Variants in ZBTB38 observed in about 807,000 individuals in gnomAD.
ZBTB38 encodes the protein zinc finger and BTB domain-containing protein 38.
In ZBTB38, 20 loss-of-function variants were observed where a neutral mutation model predicts 76.8. The observed-to-expected ratio is 0.26, with a 90% CI of 0.18 to 0.38. The LOEUF (loss-of-function observed/expected upper bound fraction) is 0.38. ZBTB38 is among the 10% of genes least tolerant of loss of function. The probability of loss-of-function intolerance (pLI) is 1.00; values close to 1 mark genes in which losing one functional copy is unlikely to be tolerated. For missense variants in ZBTB38, 1,082 were observed against 1,482.3 expected, an observed-to-expected ratio of 0.73 and a Z score of 4.43; for synonymous variants, 504 against 544.2, an observed-to-expected ratio of 0.93 and a Z score of 1.03.
At chr3:141,324,470 T>A (rs1257971223) in intron 1 of ZBTB38, 1 of 152,246 alleles carries the variant, frequency 6.6e-6, no homozygotes, top group Non-Finnish European at 1.5e-5. Flanking sequence ...GGTGACATAC[T>A]TTTTCTCCAA....
intron 5 of ZBTB38, among the ~76,000 whole-genome samples, chr3:141,419,027 C>A (rs2074744120): frequency 6.6e-6 from 1 of 152,144 alleles, no homozygotes; most frequent in Admixed American, 6.6e-5. Context: ...TAAAGAGCTA[C>A]CTGAGACGGT....
rs1943221260 is a variant in ZBTB38 at position 141,342,333 on chromosome 3, A to G, written c.-739+17877A>G. 2.6e-5 allele frequency among the ~76,000 whole-genome samples: 4 copies of G among 151,018 alleles called. No homozygotes were observed. In the South Asian group the frequency reaches 8.4e-4, roughly 32 times the overall value. ...GGAAGATACCAGGCAAGCTGGGACC[A>G]ACACAGAAAATGGACCAATATCTTG... is the stretch of plus-strand genomic sequence containing the variant. On this transcript the variant is annotated intron_variant, in intron 1 of 7. Transcript: ENST00000509842.
intron 5 of ZBTB38, among the ~76,000 whole-genome samples, chr3:141,435,797 G>C (rs1005973647): frequency 1.3e-5 from 2 of 151,438 alleles, no homozygotes; most frequent in African/African-American, 4.8e-5. Context: ...TATTTTAAAA[G>C]CTATTCCAGC....
At chr3:141,363,154 A>G (rs758999399) in intron 1 of ZBTB38, among the ~76,000 whole-genome samples, 9 of 152,232 alleles carry the variant, frequency 5.9e-5, no homozygotes, top group Admixed American at 1.3e-4. Context: ...AGTATAAACA[A>G]TACCAGTTAA....
intron 2 of ZBTB38, among the ~76,000 whole-genome samples, chr3:141,374,124 A>T (rs1441317689): frequency 6.6e-6 from 1 of 152,176 alleles, no homozygotes; most frequent in Non-Finnish European, 1.5e-5. Flanking sequence ...AGGAAAAAAA[A>T]AAAAAAGTGT....
upstream of ZBTB38, chr3:141,367,654 G>A (rs1350350485): frequency 6.6e-6 from 1 of 152,182 alleles, no homozygotes; most frequent in African/African-American, 2.4e-5. Flanking sequence ...TAGCTGTGAG[G>A]CTTTAGAGAA....
At chr3:141,429,856 C>A (rs9856584) in intron 5 of ZBTB38, among the ~76,000 whole-genome samples, 38,562 of 151,962 alleles carry the variant, frequency 0.25, 8,159 homozygotes, top group African/African-American at 0.57. Context: ...AGGTAGAGTC[C>A]GCCCAGGGAG....
intron 1 of ZBTB38, among the ~76,000 whole-genome samples, chr3:141,337,657 G>C (rs1275776840): frequency 1.3e-5 from 2 of 152,198 alleles, no homozygotes; most frequent in African/African-American, 2.4e-5. Flanking sequence ...AAGCAGGTTT[G>C]ATGATCCCCT....
At chr3:141,410,159 C>G (rs1264898530) in intron 5 of ZBTB38, among the ~76,000 whole-genome samples, 3 of 152,226 alleles carry the variant, frequency 2.0e-5, no homozygotes, top group African/African-American at 7.2e-5. Context: ...TCTGAGGTCT[C>G]CCAGGGGTCT....
At chr3:141,387,603 A>G (rs1470407319) in intron 4 of ZBTB38, 2 of 152,210 alleles carry the variant, frequency 1.3e-5, no homozygotes, top group Non-Finnish European at 2.9e-5. Flanking sequence ...TTGAACTCTC[A>G]GAGGAGGAAG....
rs1382145916 is a variant in ZBTB38 at position 141,443,415 on chromosome 3, A to C, written c.1027A>C (p.Asn343His). The C allele has an allele frequency of 2.5e-6, 4 of 1,614,238 alleles. No individual in the cohort carries two copies. Among genetic ancestry groups the C allele is most frequent in the Non-Finnish European group, 3.4e-6 (4 of 1,180,048 alleles). The change falls in exon 6 of 6, where the codon AAT becomes CAT. Residue 343 changes from asparagine (N) to histidine (H), a missense_variant. By Grantham distance (68) the Asn-to-His change is moderately conservative (BLOSUM62 1). Around this residue, in one of 8 missense-constraint regions of ZBTB38, gnomAD observed 324 missense variants for 359.1 expected, o/e 0.90. Coordinates refer to ENST00000321464, the MANE Select transcript of ZBTB38 (RefSeq NM_001376113.1). This position sits in a 1 kb window ranked among gnomAD's most constrained non-coding sequence, Gnocchi z 5.6. The stretch of plus-strand genomic sequence containing the variant: ...CGCAGAGGTTCCACCTCTGGTGTAC[A>C]ATTGTAGCTGCTGTTCCAAAGCCTT... ...PAAEVPPLVY[N>H]CSCCSKAFDS...
At chr3:141,424,148 C>CTTAA (rs1404434418) in intron 5 of ZBTB38, among the ~76,000 whole-genome samples, 1 of 152,234 alleles carries the variant, frequency 6.6e-6, no homozygotes, top group Non-Finnish European at 1.5e-5. Flanking sequence ...AAGTATTTAT[C>CTTAA]TTAAACACCT....
chr3:141,371,296 C>T (rs186243892), intron 2 of ZBTB38, among the ~76,000 whole-genome samples: 245 of 151,838 alleles, frequency 1.6e-3, no homozygotes, highest in African/African-American at 5.5e-3. Context: ...CGTGATCTGC[C>T]GGCCTTGGCC....
intron 5 of ZBTB38, among the ~76,000 whole-genome samples, chr3:141,418,348 C>T (rs2074553983): frequency 6.6e-6 from 1 of 152,196 alleles, no homozygotes. Context: ...TAGACCTCTG[C>T]CTACAAAAGA....
At chr3:141,437,964 T>A (rs2079168340) in intron 5 of ZBTB38, among the ~76,000 whole-genome samples, 4 of 152,110 alleles carry the variant, frequency 2.6e-5, no homozygotes, top group South Asian at 2.1e-4. Context: ...CAGGCTGGAG[T>A]GCAGTGGCGC....
chr3:141,328,017 G>A (rs4683600), intron 1 of ZBTB38, among the ~76,000 whole-genome samples: 84,622 of 151,900 alleles, frequency 0.56, 25,442 homozygotes, highest in African/African-American at 0.81. Flanking sequence ...GAAAGATTCT[G>A]GTTGTATAGT....
chr3:141,386,771 T>C (rs968419135), intron 3 of ZBTB38, 101 bp from the exon 4 acceptor site: 1 of 152,666 alleles, frequency 6.6e-6, no homozygotes, highest in Non-Finnish European at 1.5e-5. Flanking sequence ...AAATGCCTTC[T>C]GTCTGGTTGC....
intron 3 of ZBTB38, among the ~76,000 whole-genome samples, chr3:141,383,335 T>A (rs1946464914): frequency 6.6e-6 from 1 of 152,224 alleles, no homozygotes; most frequent in Non-Finnish European, 1.5e-5. Flanking sequence ...TCTTAAACTT[T>A]TTAAATATTA....
chr3:141,395,812 CTT>C (rs756503529), intron 4 of ZBTB38, among the ~76,000 whole-genome samples: 6 of 152,148 alleles, frequency 3.9e-5, no homozygotes, highest in Non-Finnish European at 8.8e-5. Context: ...GGTGCACAAA[CTT>C]TTTAGTTTCC....
Sources: gnomAD v4.1 joint callset for allele counts (sites outside exome capture counted in the v4.1 genomes callset) on GRCh38, gnomAD v4.1.1 for gene constraint, gnomAD v4.1.1 regional missense constraint, Gnocchi (gnomAD v3.1) non-coding constraint, MANE v1.5 for transcripts, NCBI Gene and HGNC (gene_info 2026-07-23, HGNC 2026-07-21) for gene names.